Variants in UBAC2 observed in about 807,000 individuals in gnomAD.
The protein encoded by UBAC2 is UBA domain containing 2, also known as ubiquitin-associated domain-containing protein 2.
UBAC2 carries 26 observed loss-of-function variants against 44.0 expected under a neutral mutation model. The ratio of observed to expected loss-of-function variants is 0.59; its 90% CI spans 0.43 to 0.82. The LOEUF (loss-of-function observed/expected upper bound fraction) is 0.82, where lower values mean the gene tolerates loss of function less well. UBAC2 is among the 40% of genes least tolerant of loss of function. The pLI is 0.00. For missense variants in UBAC2, 329 were observed against 419.4 expected (o/e 0.78, Z 1.88); for synonymous variants, 155 against 154.3 (o/e 1.00, Z -0.04).
At chr13:99,310,349 A>G (rs183737209) in intron 4 of UBAC2, among the ~76,000 whole-genome samples, 51 of 152,320 alleles carry the variant, frequency 3.3e-4, no homozygotes, top group Middle Eastern at 6.8e-3. Context: ...AAAAGAAAGG[A>G]TGGATGAAAT....
At chr13:99,201,151 C>T (rs1007142036) in intron 1 of UBAC2, 29 of 1,362,870 alleles carry the variant, frequency 2.1e-5, no homozygotes, top group Admixed American at 3.4e-5. Context: ...GACAAAGCCC[C>T]GCCGCCCGCC....
chr13:99,264,581 C>T (rs1373364779), intron 4 of UBAC2, among the ~76,000 whole-genome samples: 2 of 152,156 alleles, frequency 1.3e-5, no homozygotes, highest in African/African-American at 4.8e-5. Flanking sequence ...GCATGTGCCA[C>T]TAACTGACCA....
chr13:99,300,197 C>G (rs1018548151), intron 4 of UBAC2, among the ~76,000 whole-genome samples: 8 of 152,228 alleles, frequency 5.3e-5, no homozygotes, highest in African/African-American at 1.9e-4. Context: ...TCATTGAGCT[C>G]CAAGGGTAGC....
chr13:99,378,400 G>A (rs2045509092), intron 8 of UBAC2, among the ~76,000 whole-genome samples: 1 of 151,960 alleles, frequency 6.6e-6, no homozygotes, highest in Non-Finnish European at 1.5e-5. Context: ...GGTGGCACAT[G>A]CCTGTAGTCC....
intron 4 of UBAC2, chr13:99,255,966 C>T: frequency 1.7e-6 from 2 of 1,206,284 alleles, no homozygotes; most frequent in Non-Finnish European, 2.3e-6. Flanking sequence ...AAATGCTTAA[C>T]ATTCTCCCAC....
At chr13:99,375,406 A>C (rs1187063842) in intron 8 of UBAC2, among the ~76,000 whole-genome samples, 1 of 152,188 alleles carries the variant, frequency 6.6e-6, no homozygotes, top group Non-Finnish European at 1.5e-5. Context: ...TGGTGCCAAC[A>C]GGTAACCGGT....
intron 1 of UBAC2, chr13:99,215,674 G>A: frequency 6.7e-7 from 1 of 1,483,712 alleles, no homozygotes; most frequent in African/African-American, 1.4e-5. Flanking sequence ...CAGCCCTCTG[G>A]GAACTGCAAG....
chr13:99,371,485 A>C (rs1163106108), intron 8 of UBAC2, among the ~76,000 whole-genome samples: 1 of 152,212 alleles, frequency 6.6e-6, no homozygotes, highest in Non-Finnish European at 1.5e-5. Flanking sequence ...TATAAAAGAT[A>C]AAAAAGATAC....
At chr13:99,266,630 A>G (rs1173071626) in intron 4 of UBAC2, among the ~76,000 whole-genome samples, 1 of 152,178 alleles carries the variant, frequency 6.6e-6, no homozygotes, top group Non-Finnish European at 1.5e-5. Context: ...TGTATCTGAT[A>G]TTATACTAAG....
intron 6 of UBAC2, among the ~76,000 whole-genome samples, chr13:99,335,900 A>G (rs2044782164): frequency 6.6e-6 from 1 of 152,102 alleles, no homozygotes; most frequent in South Asian, 2.1e-4. Flanking sequence ...CACACCTGGA[A>G]TCCCAGCACT....
At chr13:99,276,409 G>A (rs1475504705) in intron 4 of UBAC2, among the ~76,000 whole-genome samples, 1 of 152,212 alleles carries the variant, frequency 6.6e-6, no homozygotes, top group South Asian at 2.1e-4. Flanking sequence ...TTGCAGGAAC[G>A]TCTCACAGAA....
At chr13:99,340,063 T>A (rs2044860973) in intron 6 of UBAC2, among the ~76,000 whole-genome samples, 1 of 152,254 alleles carries the variant, frequency 6.6e-6, no homozygotes, top group Non-Finnish European at 1.5e-5. Context: ...ACCAGAACTT[T>A]GAATACTAAA....
chr13:99,322,677 A>G, intron 6 of UBAC2, among the ~76,000 whole-genome samples: 1 of 152,038 alleles, frequency 6.6e-6, no homozygotes, highest in Admixed American at 6.5e-5. Flanking sequence ...TTAGTGTGGA[A>G]AAAAAACAAT....
intron 1 of UBAC2, among the ~76,000 whole-genome samples, chr13:99,237,985 A>G (rs756337208): frequency 6.6e-6 from 1 of 152,266 alleles, no homozygotes; most frequent in African/African-American, 2.4e-5. Flanking sequence ...TCAGATTATC[A>G]TATGTACTCC....
chr13:99,278,447 A>T (rs1007892854), intron 4 of UBAC2, among the ~76,000 whole-genome samples: 1 of 152,128 alleles, frequency 6.6e-6, no homozygotes, highest in Admixed American at 6.5e-5. Flanking sequence ...GAGTATTTTT[A>T]AGGGAAGTGG....
intron 4 of UBAC2, among the ~76,000 whole-genome samples, chr13:99,246,536 A>G (rs1301529043): frequency 6.6e-6 from 1 of 152,204 alleles, no homozygotes; most frequent in Non-Finnish European, 1.5e-5. Context: ...TGAACTTTGG[A>G]GATGGATAGT....
intron 5 of UBAC2, among the ~76,000 whole-genome samples, chr13:99,317,560 G>T (rs1478313564): frequency 1.3e-5 from 2 of 152,038 alleles, no homozygotes; most frequent in Non-Finnish European, 2.9e-5. Context: ...AGGCTGGCAG[G>T]GTTCTTCCCA....
chr13:99,346,572 T>G lies in UBAC2; in HGVS notation c.807+6007T>G, dbSNP rs185103826. Among the ~76,000 whole-genome samples the G allele has an allele frequency of 2.2e-3, 339 of 152,324 alleles. 1 individual carries two copies. The highest frequency in any genetic ancestry group is 5.8e-3 in the Admixed American group (88 of 15,300). On this transcript the variant is annotated intron_variant, in intron 7 of 8. Coordinates refer to ENST00000403766, the MANE Select transcript of UBAC2 (RefSeq NM_001144072.2). ...GCAGTCTCACCTTTACATCTTCCCT[T>G]TCCTCTCTGCCCAGAATGAACTTCC... is the stretch of plus-strand genomic sequence containing the variant.
At chr13:99,259,757 C>T (rs906679494) in intron 4 of UBAC2, among the ~76,000 whole-genome samples, 2 of 152,202 alleles carry the variant, frequency 1.3e-5, no homozygotes, top group African/African-American at 4.8e-5. Context: ...TTGCCTTATT[C>T]ACATAGCTTA....
Sources: allele counts gnomAD v4.1 joint callset (sites outside exome capture counted in the v4.1 genomes callset), GRCh38; gene constraint gnomAD v4.1.1; transcripts MANE v1.5; gene names NCBI Gene and HGNC (gene_info 2026-07-23, HGNC 2026-07-21).